The following SLC6A6 variants were observed in gnomAD, a reference collection of about 807,000 sequenced individuals.
SLC6A6 encodes solute carrier family 6 member 6, also known as sodium- and chloride-dependent taurine transporter.
A neutral mutation model predicts 68.8 loss-of-function variants in SLC6A6; 16 were observed. The ratio of observed to expected loss-of-function variants is 0.23; its 90% CI spans 0.16 to 0.35. SLC6A6 has a LOEUF of 0.35. SLC6A6 is among the 10% of genes least tolerant of loss of function. The pLI is 1.00. For synonymous variants in SLC6A6, 312 were observed against 315.4 expected, an observed-to-expected ratio of 0.99 and a Z score of 0.12; for missense variants, 474 against 802.8, an observed-to-expected ratio of 0.59 and a Z score of 4.95.
intron 14 of SLC6A6, among the ~76,000 whole-genome samples, chr3:14,483,840 C>G (rs1158105938): frequency 2.6e-5 from 4 of 152,066 alleles, no homozygotes; most frequent in African/African-American, 9.7e-5. Flanking sequence ...TACCACCATG[C>G]CTGGCTAATT....
At chr3:14,475,741 TTAAG>T (rs988020806) in intron 10 of SLC6A6, among the ~76,000 whole-genome samples, 3 of 152,236 alleles carry the variant, frequency 2.0e-5, no homozygotes, top group Non-Finnish European at 4.4e-5. Flanking sequence ...CTTTTGAAGC[TTAAG>T]TGTTTGAGCT....
At chr3:14,418,896 G>A (rs1193634606) in intron 2 of SLC6A6, among the ~76,000 whole-genome samples, 1 of 152,160 alleles carries the variant, frequency 6.6e-6, no homozygotes, top group African/African-American at 2.4e-5. Flanking sequence ...GCTGACTCTA[G>A]CCCACTTCCT....
At chr3:14,417,351 G>A (rs1367113460) in intron 2 of SLC6A6, among the ~76,000 whole-genome samples, 1 of 152,132 alleles carries the variant, frequency 6.6e-6, no homozygotes, top group Non-Finnish European at 1.5e-5. Context: ...AAACAGTCAC[G>A]TGAACATTCT....
intron 13 of SLC6A6, among the ~76,000 whole-genome samples, chr3:14,480,872 C>G (rs945653049): frequency 6.6e-6 from 1 of 152,176 alleles, no homozygotes; most frequent in Non-Finnish European, 1.5e-5. Flanking sequence ...TGACCCCACC[C>G]CACCATTCAT....
At chr3:14,448,819 T>A (rs1700190975) in intron 5 of SLC6A6, among the ~76,000 whole-genome samples, 5 of 152,236 alleles carry the variant, frequency 3.3e-5, no homozygotes, top group Admixed American at 6.5e-5. Context: ...TCTAACATAG[T>A]GCTTAGAGGC....
intron 5 of SLC6A6, chr3:14,448,037 T>A (rs527900772): frequency 3.9e-6 from 5 of 1,282,330 alleles, no homozygotes; most frequent in Middle Eastern, 2.8e-4. Flanking sequence ...CACTCCTCCT[T>A]TCTGAGCCTC....
rs938698859 is a variant in SLC6A6 at position 14,468,648 on chromosome 3, G to A, written c.1096+436G>A. Among the ~76,000 whole-genome samples the A allele has an allele frequency of 5.3e-5, 8 of 152,278 alleles. No homozygotes were observed. The highest frequency in any genetic ancestry group is 2.1e-4 in the South Asian group (1 of 4,826). ...CCCAGCGTGCTCCCTCTAAGCAGACGCATTCATCCATCCCACCGATTTCTC... is the reference window on the plus strand; with the variant it reads ...CCCAGCGTGCTCCCTCTAAGCAGACACATTCATCCATCCCACCGATTTCTC... On this transcript the variant is annotated intron_variant, in intron 9 of 14. Transcript: ENST00000622186. The surrounding 1 kb of genome is among the most constrained non-coding windows in gnomAD (Gnocchi z 4.5).
Position 14,402,911 on chromosome 3 carries a change from A to C in SLC6A6, c.-54+64A>C, listed in dbSNP as rs1396174527. 1.4e-5 allele frequency: 5 copies of C among 349,670 alleles called. No individual in the cohort carries two copies. The highest frequency in any genetic ancestry group is 4.8e-5 in the Admixed American group (1 of 20,864). 21.7% of individuals were successfully genotyped at this position (349,670 alleles called of 1,614,324 possible). ...TGCCCGCCGTCTGCAGCCCCTCCCCATCCCCGCGTCGCCGCAGTCCCGGCC... is the reference window on the plus strand; with the variant it reads ...TGCCCGCCGTCTGCAGCCCCTCCCCCTCCCCGCGTCGCCGCAGTCCCGGCC... On this transcript the variant is annotated intron_variant, in intron 1 of 14. Transcript: ENST00000622186. This position sits in a 1 kb window ranked among gnomAD's most constrained non-coding sequence, Gnocchi z 4.8.
Position 14,481,896 on chromosome 3 carries a change from T to C in SLC6A6, c.1722+55T>C. On this transcript the variant is annotated intron_variant, in intron 14 of 14. Transcript: ENST00000622186. This position sits in a 1 kb window ranked among gnomAD's most constrained non-coding sequence, Gnocchi z 4.7. ...GTGGGAGGCGCGAGGCCAAAGGTGA[T>C]TGTTGTCAGTTTGCTGCGTGATCTC... is the stretch of plus-strand genomic sequence containing the variant. The C allele has an allele frequency of 6.8e-7, 1 of 1,479,956 alleles. No individual in the cohort carries two copies. The highest frequency in any genetic ancestry group is 9.3e-7 in the Non-Finnish European group (1 of 1,070,714). The allele number at this position is 1,479,956 out of a possible 1,614,324, so 91.7% of individuals were successfully genotyped here.
At chr3:14,405,930 A>T (rs1468720889) in intron 1 of SLC6A6, among the ~76,000 whole-genome samples, 2 of 152,092 alleles carry the variant, frequency 1.3e-5, no homozygotes, top group African/African-American at 2.4e-5. Context: ...AGACCCAAGG[A>T]GCAGCTGAGT....
chr3:14,405,762 T>A (rs1699094157), intron 1 of SLC6A6, among the ~76,000 whole-genome samples: 1 of 152,242 alleles, frequency 6.6e-6, no homozygotes, highest in Non-Finnish European at 1.5e-5. Context: ...GCTTTTTTAA[T>A]GTGCTTCATT....
rs1700900227 is a variant in SLC6A6, at chr3:14,477,268, G to A, written c.1273G>A (p.Gly425Ser). The change falls in exon 11 of 15, where the codon GGT becomes AGT. Residue 425 changes from glycine (G) to serine (S), a missense_variant. Transcript: ENST00000622186. This position sits in a 1 kb window ranked among gnomAD's most constrained non-coding sequence, Gnocchi z 4.2. ...VDLYPSFLRK[G>S]YRREIFIAFV... Reference sequence around the variant, plus strand: ...TCTTTACCCATCCTTCCTAAGGAAGGGTTATCGTCGGGAAATCTTCATCGC... The same window carrying A: ...TCTTTACCCATCCTTCCTAAGGAAGAGTTATCGTCGGGAAATCTTCATCGC... 1.2e-6 allele frequency: 2 copies of A among 1,613,682 alleles called. No individual in the cohort carries two copies. Among genetic ancestry groups the A allele is most frequent in the South Asian group, 1.1e-5 (1 of 91,078 alleles).
At chr3:14,446,360 C>T (rs1172557816) in intron 4 of SLC6A6, among the ~76,000 whole-genome samples, 1 of 152,202 alleles carries the variant, frequency 6.6e-6, no homozygotes, top group Non-Finnish European at 1.5e-5. Flanking sequence ...GAAACTCAAC[C>T]TTGGGTATAC....
intron 9 of SLC6A6, among the ~76,000 whole-genome samples, chr3:14,471,531 G>A (rs1182472578): frequency 6.6e-6 from 1 of 152,168 alleles, no homozygotes; most frequent in Non-Finnish European, 1.5e-5. Context: ...AAAGGAAATT[G>A]GAAGAGGATG....
intron 4 of SLC6A6, 90 bp downstream of exon 4, chr3:14,445,941 A>C: frequency 1.5e-6 from 2 of 1,325,146 alleles, no homozygotes; most frequent in Non-Finnish European, 2.1e-6. Flanking sequence ...GGTCCATTGG[A>C]GCCTCATGCA....
chr3:14,451,169 C>T (rs969501564), intron 5 of SLC6A6, among the ~76,000 whole-genome samples: 26 of 152,206 alleles, frequency 1.7e-4, no homozygotes, highest in Admixed American at 4.6e-4. Context: ...ATGGCTTTTC[C>T]CATGCTATGA....
intron 4 of SLC6A6, among the ~76,000 whole-genome samples, chr3:14,446,570 C>A (rs1018406097): frequency 6.6e-6 from 1 of 152,152 alleles, no homozygotes; most frequent in African/African-American, 2.4e-5. Flanking sequence ...AAAAAAGAAG[C>A]CTGTAGCTAC....
At chr3:14,471,744 T>C (rs1700756846) in intron 9 of SLC6A6, among the ~76,000 whole-genome samples, 3 of 152,304 alleles carry the variant, frequency 2.0e-5, no homozygotes, top group African/African-American at 7.2e-5. Context: ...TCCACTCCTA[T>C]GGTGTTTTAG....
Position 14,478,562 on chromosome 3 carries a change from A to G in SLC6A6, c.1444A>G (p.Ile482Val), listed in dbSNP as rs1242006847. 6.3e-7 allele frequency: 1 copy of G among 1,590,312 alleles called. No homozygotes were observed. ...AFFECFVIAW[I>V]YGGDNLYDGI... ...CTTTGAATGTTTTGTTATTGCCTGGATATATGGTGAGTACAGATTTTTTCA... is the reference window on the plus strand; with the variant it reads ...CTTTGAATGTTTTGTTATTGCCTGGGTATATGGTGAGTACAGATTTTTTCA... The change falls in exon 12 of 15, where the codon ATA becomes GTA. Residue 482 changes from isoleucine (I) to valine (V), a missense_variant. Coordinates refer to ENST00000622186, the MANE Select transcript of SLC6A6 (RefSeq NM_003043.6).
Sources: gnomAD v4.1 joint callset for allele counts (sites outside exome capture counted in the v4.1 genomes callset) on GRCh38, gnomAD v4.1.1 for gene constraint, Gnocchi (gnomAD v3.1) non-coding constraint, MANE v1.5 for transcripts, NCBI Gene and HGNC (gene_info 2026-07-23, HGNC 2026-07-21) for gene names.